The following SUGCT variants were observed in gnomAD, a reference collection of about 807,000 sequenced individuals.
The protein encoded by SUGCT is succinyl-CoA:glutarate-CoA transferase.
SUGCT carries 41 observed loss-of-function variants against 55.0 expected under a neutral mutation model. The ratio of observed to expected loss-of-function variants is 0.74; its 90% CI spans 0.58 to 0.97. The LOEUF is 0.97. SUGCT is among the 50% of genes least tolerant of loss of function. The pLI, the probability that SUGCT is intolerant of heterozygous loss-of-function variation, is 0.00. For missense variants in SUGCT, 568 were observed against 547.8 expected (o/e 1.04, Z -0.37); for synonymous variants, 187 against 200.4 (o/e 0.93, Z 0.56).
At chr7:40,806,459 C>A (rs1025268538) in intron 13 of SUGCT, among the ~76,000 whole-genome samples, 1 of 152,108 alleles carries the variant, frequency 6.6e-6, no homozygotes, top group East Asian at 1.9e-4. Context: ...TCCCTGTCAA[C>A]CTGATTTTCC....
chr7:40,479,260 A>G (rs1286727610), intron 11 of SUGCT, among the ~76,000 whole-genome samples: 1 of 152,190 alleles, frequency 6.6e-6, no homozygotes, highest in Non-Finnish European at 1.5e-5. Context: ...ACCACATAAC[A>G]GTGTTTCAAT....
intron 13 of SUGCT, among the ~76,000 whole-genome samples, chr7:40,768,964 G>A (rs1302230697): frequency 1.3e-5 from 2 of 152,138 alleles, no homozygotes; most frequent in African/African-American, 4.8e-5. Context: ...TGTCTATTAG[G>A]AGAAGTCTTG....
At chr7:40,516,326 A>C (rs1019137736) in intron 12 of SUGCT, among the ~76,000 whole-genome samples, 1 of 152,182 alleles carries the variant, frequency 6.6e-6, no homozygotes, top group Admixed American at 6.6e-5. Context: ...TTGACACACA[A>C]AAGTTTTTAG....
chr7:41,005,129 G>A, the SUGCT span, among the ~76,000 whole-genome samples: 14 of 152,174 alleles, frequency 9.2e-5, no homozygotes, highest in East Asian at 7.8e-4. Context: ...GACTTTCAGA[G>A]TCATCTGGTG....
In SUGCT at chr7:40,516,368, A is replaced by G. The variant is rs555739149; in HGVS notation, c.1089+19982A>G. Among the ~76,000 whole-genome samples, 34 of 152,308 alleles carry G rather than the reference A, an allele frequency of 2.2e-4. 1 individual carries two copies. The highest frequency in any genetic ancestry group is 1.6e-3 in the Admixed American group (25 of 15,288). ...TGAAGCACTAATTACCCATTTTTAA[A>G]AACATTATTACTTGTGCTTTTGGTA... On this transcript the variant is annotated intron_variant, in intron 12 of 13. Transcript: ENST00000335693.
intron 13 of SUGCT, among the ~76,000 whole-genome samples, chr7:40,764,359 A>T (rs1052120012): frequency 4.6e-5 from 7 of 152,156 alleles, no homozygotes; most frequent in Non-Finnish European, 8.8e-5. Flanking sequence ...TGTTACTGTT[A>T]CCTCATTCAC....
chr7:41,019,390 C>G, the SUGCT span, among the ~76,000 whole-genome samples: 1 of 152,184 alleles, frequency 6.6e-6, no homozygotes, highest in East Asian at 1.9e-4. Context: ...TCTCCTGACC[C>G]TGATCCTTGT....
intron 6 of SUGCT, among the ~76,000 whole-genome samples, chr7:40,229,467 C>T (rs1184727830): frequency 1.3e-5 from 2 of 149,888 alleles, no homozygotes; most frequent in African/African-American, 2.5e-5. Flanking sequence ...TGCAGTGAGC[C>T]GAGATTGCTT....
At chr7:40,439,064 G>GTATATA (rs1183426693) in intron 9 of SUGCT, among the ~76,000 whole-genome samples, 13 of 27,180 alleles carry the variant, frequency 4.8e-4, no homozygotes, top group East Asian at 3.2e-3. Context: ...TATATATGGT[G>GTATATA]TATATATATA....
chr7:40,604,388 G>A (rs1185994235), intron 12 of SUGCT, among the ~76,000 whole-genome samples: 1 of 151,996 alleles, frequency 6.6e-6, no homozygotes, highest in African/African-American at 2.4e-5. Context: ...TAGATCACTG[G>A]CCCTTCCTCT....
the SUGCT span, among the ~76,000 whole-genome samples, chr7:40,988,088 G>A: frequency 3.3e-5 from 5 of 151,696 alleles, no homozygotes; most frequent in Admixed American, 1.3e-4. Context: ...CCCCCAAAGA[G>A]CATGGCATAT....
intron 9 of SUGCT, among the ~76,000 whole-genome samples, chr7:40,343,265 A>G (rs1797146309): frequency 6.6e-6 from 1 of 152,208 alleles, no homozygotes; most frequent in African/African-American, 2.4e-5. Flanking sequence ...ACTCAAAACT[A>G]TTATAATTAC....
At chr7:40,458,897 A>G (rs1789632209) in intron 10 of SUGCT, among the ~76,000 whole-genome samples, 1 of 152,042 alleles carries the variant, frequency 6.6e-6, no homozygotes, top group South Asian at 2.1e-4. Context: ...ATGTAGTAAA[A>G]GCCTCTTATG....
chr7:40,710,327 C>T (rs149392009), intron 12 of SUGCT, among the ~76,000 whole-genome samples: 108 of 152,210 alleles, frequency 7.1e-4, no homozygotes, highest in African/African-American at 2.2e-3. Context: ...ACTGAGAAGC[C>T]ATTTGTAAAT....
rs550892186 is a variant in SUGCT, at chr7:40,588,151, C to T, written c.1089+91765C>T. ...TCCTGACCTCAAGTGATCTGCCCGC[C>T]TCGGCCTCCCAAAGTGCTGAGATTA... On this transcript the variant is annotated intron_variant, in intron 12 of 13. Coordinates refer to ENST00000335693, the MANE Select transcript of SUGCT (RefSeq NM_001193313.2). Among the ~76,000 whole-genome samples the T allele has an allele frequency of 1.5e-3, 227 of 152,172 alleles. 2 individuals are homozygous for T. Among genetic ancestry groups the T allele is most frequent in the East Asian group, 5.8e-4 (3 of 5,174 alleles).
intron 12 of SUGCT, among the ~76,000 whole-genome samples, chr7:40,704,741 T>A (rs1483641641): frequency 6.6e-6 from 1 of 152,218 alleles, no homozygotes; most frequent in Non-Finnish European, 1.5e-5. Flanking sequence ...CAACTAACAC[T>A]GTGTTCCAGA....
chr7:40,858,474 T>C (rs1248878548), intron 13 of SUGCT, among the ~76,000 whole-genome samples: 1 of 151,518 alleles, frequency 6.6e-6, no homozygotes, highest in Admixed American at 6.6e-5. Flanking sequence ...ACTACTACTG[T>C]CTTGCTTCAG....
chr7:40,879,006 A>T, the SUGCT span, among the ~76,000 whole-genome samples: 1 of 151,984 alleles, frequency 6.6e-6, no homozygotes, highest in African/African-American at 2.4e-5. Flanking sequence ...GTTGGCCAGG[A>T]TGGTCTCGAG....
chr7:40,370,647 A>G (rs1054070882), intron 9 of SUGCT, among the ~76,000 whole-genome samples: 3 of 151,296 alleles, frequency 2.0e-5, no homozygotes, highest in African/African-American at 7.3e-5. Context: ...TGGGGGACAG[A>G]GAGAGAGATG....
Sources: gnomAD v4.1 joint callset for allele counts (sites outside exome capture counted in the v4.1 genomes callset) on GRCh38, gnomAD v4.1.1 for gene constraint, MANE v1.5 for transcripts, NCBI Gene and HGNC (gene_info 2026-07-23, HGNC 2026-07-21) for gene names.